KCNN2: variants seen among roughly 807,000 people sequenced by gnomAD.
The protein encoded by KCNN2 is small conductance calcium-activated potassium channel protein 2.
A neutral mutation model predicts 55.5 loss-of-function variants in KCNN2; 24 were observed. The observed-to-expected ratio is 0.43, with a 90% CI of 0.31 to 0.61. The LOEUF (loss-of-function observed/expected upper bound fraction) is 0.61. KCNN2 is among the 20% of genes least tolerant of loss of function. The pLI is 0.08. For synonymous variants in KCNN2, 431 were observed against 336.1 expected, an observed-to-expected ratio of 1.28 and a Z score of -3.09; for missense variants, 754 against 853.6, an observed-to-expected ratio of 0.88 and a Z score of 1.45.
At chr5:114,328,134 T>G (rs13184870) in intron 2 of KCNN2, among the ~76,000 whole-genome samples, 45,961 of 152,140 alleles carry the variant, frequency 0.3, 7,249 homozygotes, top group Non-Finnish European at 0.35. Context: ...AAAGTCAATT[T>G]ATGCGTGGGT....
chr5:114,476,376 G>C (rs1761966535), intron 5 of KCNN2, among the ~76,000 whole-genome samples: 1 of 151,780 alleles, frequency 6.6e-6, no homozygotes, highest in African/African-American at 2.4e-5. Context: ...GGAGTCTCTT[G>C]AGACCGGAGT....
chr5:114,187,506 CTTT>C (rs34325633), intron 1 of KCNN2, among the ~76,000 whole-genome samples: 6 of 126,590 alleles, frequency 4.7e-5, no homozygotes, highest in Non-Finnish European at 8.0e-5. Context: ...GTATCTCTGG[CTTT>C]TTTTTTTTTT....
intron 1 of KCNN2, among the ~76,000 whole-genome samples, chr5:114,149,979 G>A (rs368263443): frequency 9.9e-5 from 15 of 152,136 alleles, no homozygotes; most frequent in Admixed American, 3.3e-4. Context: ...CACAAGGGTC[G>A]CATTCCATTC....
intron 6 of KCNN2, 136 bp from the exon 7 acceptor site, chr5:114,493,267 T>G: frequency 1.4e-6 from 1 of 733,668 alleles, no homozygotes; most frequent in Non-Finnish European, 2.5e-6. Context: ...ACATAACCAG[T>G]TTGGACTTAC....
intron 1 of KCNN2, among the ~76,000 whole-genome samples, chr5:114,210,593 T>C (rs189053019): frequency 6.6e-6 from 1 of 152,314 alleles, no homozygotes; most frequent in Non-Finnish European, 1.5e-5. Context: ...TGTGATTATA[T>C]GTGAGTGAAT....
intron 1 of KCNN2, among the ~76,000 whole-genome samples, chr5:114,157,969 T>C (rs1752675999): frequency 6.6e-6 from 1 of 151,924 alleles, no homozygotes; most frequent in Non-Finnish European, 1.5e-5. Context: ...TTCACTCTGA[T>C]GGTAGTTTCT....
chr5:114,219,628 G>A (rs1433258758), intron 1 of KCNN2, among the ~76,000 whole-genome samples: 5 of 152,014 alleles, frequency 3.3e-5, no homozygotes, highest in African/African-American at 1.2e-4. Flanking sequence ...GATGGGGCAG[G>A]GAGGGGCCAT....
intron 1 of KCNN2, among the ~76,000 whole-genome samples, chr5:114,171,459 A>C (rs1310723954): frequency 6.6e-6 from 1 of 151,888 alleles, no homozygotes; most frequent in East Asian, 1.9e-4. Flanking sequence ...GAGTTTTACT[A>C]ATTATTCGAT....
In KCNN2 at chr5:114,428,958, C is replaced by A. The variant is rs145740507; in HGVS notation, c.1637+24102C>A. On this transcript the variant is annotated intron_variant, in intron 3 of 7. Coordinates refer to ENST00000673685, the MANE Select transcript of KCNN2 (RefSeq NM_021614.4). ...TTGTCTGAATGTACTACAGTTTATT[C>A]ATGTACTCATTAGAGGGCATCTTGG... 3.0e-3 allele frequency among the ~76,000 whole-genome samples: 460 copies of A among 152,008 alleles called. 4 individuals carry two copies. Among genetic ancestry groups the A allele is most frequent in the African/African-American group, 0.011 (440 of 41,478 alleles).
intron 2 of KCNN2, among the ~76,000 whole-genome samples, chr5:114,394,882 T>TA (rs1711784102): frequency 1.3e-5 from 2 of 152,194 alleles, no homozygotes; most frequent in African/African-American, 4.8e-5. Flanking sequence ...ATGATTAACT[T>TA]ATGTTTTAAA....
At chr5:114,236,642 C>G (rs998341170) in intron 2 of KCNN2, among the ~76,000 whole-genome samples, 25 of 152,080 alleles carry the variant, frequency 1.6e-4, no homozygotes, top group Non-Finnish European at 2.6e-4. Flanking sequence ...TTGCTGCCCC[C>G]CTTCATCCAG....
At chr5:114,480,563 A>G (rs1762180764) in intron 5 of KCNN2, among the ~76,000 whole-genome samples, 1 of 152,148 alleles carries the variant, frequency 6.6e-6, no homozygotes, top group South Asian at 2.1e-4. Flanking sequence ...AAAAAAAGAA[A>G]ACTTCTAGTC....
chr5:114,297,763 A>G (rs1756059322), intron 2 of KCNN2, among the ~76,000 whole-genome samples: 1 of 152,222 alleles, frequency 6.6e-6, no homozygotes, highest in Admixed American at 6.5e-5. Flanking sequence ...AGACATTAAA[A>G]TAATATGTTA....
intron 2 of KCNN2, among the ~76,000 whole-genome samples, chr5:114,241,133 G>T (rs1468780562): frequency 1.3e-5 from 2 of 151,658 alleles, no homozygotes; most frequent in African/African-American, 2.4e-5. Context: ...ATAAAAGGAA[G>T]TTATGAAATA....
At chr5:114,215,811 C>A (rs550069519) in intron 1 of KCNN2, among the ~76,000 whole-genome samples, 1 of 152,136 alleles carries the variant, frequency 6.6e-6, no homozygotes, top group African/African-American at 2.4e-5. Context: ...TCCTTTTGCA[C>A]CTTTATGTTA....
intron 1 of KCNN2, among the ~76,000 whole-genome samples, chr5:114,144,799 T>G (rs1288538500): frequency 2.2e-5 from 3 of 135,914 alleles, no homozygotes; most frequent in Non-Finnish European, 3.1e-5. Flanking sequence ...GGGATGGTAC[T>G]CTGTGAATGT....
intron 3 of KCNN2, among the ~76,000 whole-genome samples, chr5:114,442,386 C>A (rs997043857): frequency 6.6e-6 from 1 of 151,834 alleles, no homozygotes; most frequent in Non-Finnish European, 1.5e-5. Flanking sequence ...TAAGGAAAAA[C>A]AATGCATTTA....
chr5:114,425,986 C>T (rs1444069191), intron 3 of KCNN2, among the ~76,000 whole-genome samples: 1 of 151,362 alleles, frequency 6.6e-6, no homozygotes, highest in East Asian at 1.9e-4. Flanking sequence ...TTGAGACCAG[C>T]CTGGGCAACA....
chr5:114,136,567 A>G (rs1752177387), intron 1 of KCNN2, among the ~76,000 whole-genome samples: 1 of 152,230 alleles, frequency 6.6e-6, no homozygotes, highest in African/African-American at 2.4e-5. Context: ...TGGTGGAGGG[A>G]GGATCTATAA....
Sources: gnomAD v4.1 joint callset for allele counts (sites outside exome capture counted in the v4.1 genomes callset) on GRCh38, gnomAD v4.1.1 for gene constraint, MANE v1.5 for transcripts, NCBI Gene and HGNC (gene_info 2026-07-23, HGNC 2026-07-21) for gene names.